The following MAF variants were observed in gnomAD, a reference collection of about 807,000 sequenced individuals.
The protein encoded by MAF is transcription factor Maf.
Under a neutral mutation model 22.0 loss-of-function variants are expected in MAF, and 10 were observed. That is an observed-to-expected ratio of 0.45 (90% CI 0.28 to 0.77). MAF has a LOEUF of 0.77. Ranked by LOEUF, MAF falls within the 30% of genes least tolerant of loss-of-function variation. The pLI is 0.12. For synonymous variants in MAF, 337 were observed against 255.8 expected, an observed-to-expected ratio of 1.32 and a Z score of -3.03; for missense variants, 544 against 548.4, an observed-to-expected ratio of 0.99 and a Z score of 0.08.
At chr16:79,263,509 G>C in the MAF span, among the ~76,000 whole-genome samples, 91 of 152,330 alleles carry the variant, frequency 6.0e-4, no homozygotes, top group South Asian at 1.5e-3. Flanking sequence ...AGGCAGTGAC[G>C]TTCTAAAATT....
chr16:79,213,049 ATGTT>A, the MAF span: 1 of 152,056 alleles, frequency 6.6e-6, no homozygotes. Context: ...GGGTATCTCT[ATGTT>A]TGAGAATGGG....
the MAF span, among the ~76,000 whole-genome samples, chr16:79,410,571 G>T: frequency 6.6e-6 from 1 of 152,156 alleles, no homozygotes; most frequent in Admixed American, 6.5e-5. Flanking sequence ...AGTTAGACAA[G>T]TCCCTGATCT....
the MAF span, among the ~76,000 whole-genome samples, chr16:79,502,406 G>A: frequency 6.0e-4 from 92 of 152,198 alleles, no homozygotes; most frequent in African/African-American, 2.0e-3. Context: ...TGGGTCATGC[G>A]CCTAACTCCA....
the MAF span, among the ~76,000 whole-genome samples, chr16:79,332,942 C>G: frequency 6.6e-6 from 1 of 152,190 alleles, no homozygotes; most frequent in African/African-American, 2.4e-5. Flanking sequence ...CTTTAAAGTC[C>G]ATGGTGTCTT....
chr16:79,588,869 T>C (rs1392418984), downstream of MAF, among the ~76,000 whole-genome samples: 3 of 152,114 alleles, frequency 2.0e-5, no homozygotes, highest in East Asian at 5.8e-4. Flanking sequence ...TGAAAAAATA[T>C]ATTGGAGTGA....
chr16:79,210,002 G>A, the MAF span, among the ~76,000 whole-genome samples: 2 of 152,210 alleles, frequency 1.3e-5, no homozygotes, highest in South Asian at 2.1e-4. Context: ...GAGGGAGATT[G>A]GGGAGGTAAC....
the MAF span, among the ~76,000 whole-genome samples, chr16:79,227,950 C>A: frequency 1.3e-5 from 2 of 152,108 alleles, no homozygotes; most frequent in Non-Finnish European, 2.9e-5. Flanking sequence ...GTCACACAGG[C>A]AAGACTGCTA....
At chr16:79,592,322 A>T (rs1021304825), downstream of MAF, among the ~76,000 whole-genome samples, 1 of 152,082 alleles carries the variant, frequency 6.6e-6, no homozygotes, top group Non-Finnish European at 1.5e-5. Context: ...AAATTCTCTC[A>T]CCCTGTCCCC....
the MAF span, among the ~76,000 whole-genome samples, chr16:79,432,015 T>G: frequency 2.0e-5 from 3 of 151,718 alleles, no homozygotes; most frequent in African/African-American, 7.2e-5. Context: ...CCAAACCCTA[T>G]GATGTGGTTT....
the MAF span, among the ~76,000 whole-genome samples, chr16:79,420,383 C>T: frequency 2.0e-5 from 3 of 152,270 alleles, no homozygotes; most frequent in Admixed American, 6.5e-5. Context: ...ACACAGTGGC[C>T]GCATGTTGAC....
chr16:79,243,436 A>G, the MAF span, among the ~76,000 whole-genome samples: 1 of 151,976 alleles, frequency 6.6e-6, no homozygotes. Context: ...TACTATAAAC[A>G]CCTCTATGCA....
the MAF span, among the ~76,000 whole-genome samples, chr16:79,453,355 T>C: frequency 6.6e-6 from 1 of 152,164 alleles, no homozygotes; most frequent in African/African-American, 2.4e-5. Flanking sequence ...TAAGATGGCA[T>C]CCGGTAACAA....
At chr16:79,280,067 G>A in the MAF span, among the ~76,000 whole-genome samples, 4 of 152,212 alleles carry the variant, frequency 2.6e-5, no homozygotes, top group South Asian at 8.3e-4. Flanking sequence ...GCCACAGCAG[G>A]TAAGGAAACA....
At chr16:79,237,616 G>A in the MAF span, among the ~76,000 whole-genome samples, 1 of 152,038 alleles carries the variant, frequency 6.6e-6, no homozygotes. Flanking sequence ...CATCTCAGAG[G>A]ACACTCAGGG....
the MAF span, among the ~76,000 whole-genome samples, chr16:79,219,516 A>C: frequency 2.5e-4 from 34 of 134,128 alleles, no homozygotes; most frequent in African/African-American, 8.8e-4. Flanking sequence ...GCGCCACTGC[A>C]CTCCAGCCTG....
the MAF span, among the ~76,000 whole-genome samples, chr16:79,542,878 A>G: frequency 6.6e-6 from 1 of 151,884 alleles, no homozygotes; most frequent in Non-Finnish European, 1.5e-5. Flanking sequence ...CATAAGTTAG[A>G]CTCTGGGTGG....
At chr16:79,301,964 C>A in the MAF span, among the ~76,000 whole-genome samples, 1 of 152,244 alleles carries the variant, frequency 6.6e-6, no homozygotes, top group Admixed American at 6.5e-5. Flanking sequence ...CACAAGGGTG[C>A]GTCCTATGCC....
the MAF span, among the ~76,000 whole-genome samples, chr16:79,473,719 C>T: frequency 6.6e-6 from 1 of 152,108 alleles, no homozygotes; most frequent in Admixed American, 6.5e-5. Flanking sequence ...CATGCCCAGA[C>T]AGACAATAAA....
the MAF span, among the ~76,000 whole-genome samples, chr16:79,520,112 G>C: frequency 0.025 from 3,794 of 152,300 alleles, 79 homozygotes; most frequent in Non-Finnish European, 0.041. Flanking sequence ...TTCTGAATAT[G>C]AATGGCTCAA....
Sources: gnomAD v4.1 joint callset for allele counts (sites outside exome capture counted in the v4.1 genomes callset) on GRCh38, gnomAD v4.1.1 for gene constraint, MANE v1.5 for transcripts, NCBI Gene and HGNC (gene_info 2026-07-23, HGNC 2026-07-21) for gene names.